ADAM12: variants seen among roughly 807,000 people sequenced by gnomAD.
The protein encoded by ADAM12 is ADAM metallopeptidase domain 12, also known as disintegrin and metalloproteinase domain-containing protein 12.
In ADAM12, 70 loss-of-function variants were observed where a neutral mutation model predicts 106.4. The observed-to-expected ratio is 0.66, with a 90% CI of 0.54 to 0.80. The LOEUF is 0.80. ADAM12 is among the 30% of genes least tolerant of loss of function. The pLI is 0.00. For missense variants in ADAM12, 1,010 were observed against 1,171.9 expected (o/e 0.86, Z 2.02); for synonymous variants, 420 against 433.5 (o/e 0.97, Z 0.39).
At chr10:126,210,711 G>T (rs907197520) in intron 3 of ADAM12, among the ~76,000 whole-genome samples, 1 of 152,168 alleles carries the variant, frequency 6.6e-6, no homozygotes, top group Admixed American at 6.5e-5. Context: ...CTAGGGAAAG[G>T]TTCCTTCCAC....
At chr10:126,102,743 A>C (rs1036317172) in intron 8 of ADAM12, among the ~76,000 whole-genome samples, 1 of 152,224 alleles carries the variant, frequency 6.6e-6, no homozygotes, top group Admixed American at 6.5e-5. Context: ...ACAGCCCAAC[A>C]GTTTGTTTTC....
At chr10:126,192,505 T>C (rs2133805578) in intron 3 of ADAM12, among the ~76,000 whole-genome samples, 1 of 152,344 alleles carries the variant, frequency 6.6e-6, no homozygotes, top group South Asian at 2.1e-4. Flanking sequence ...TTACTCCTTG[T>C]GTCAGCCAAT....
intron 6 of ADAM12, among the ~76,000 whole-genome samples, chr10:126,113,226 G>T (rs775548087): frequency 2.6e-5 from 4 of 152,160 alleles, no homozygotes; most frequent in African/African-American, 9.7e-5. Context: ...GCAACAGGCC[G>T]TATGGCTGGA....
chr10:126,098,896 A>C (rs772816094), intron 9 of ADAM12, among the ~76,000 whole-genome samples: 44 of 152,262 alleles, frequency 2.9e-4, no homozygotes, highest in Non-Finnish European at 1.8e-4. Context: ...GATTTTCACC[A>C]TAGCTTAACT....
At chr10:126,217,490 C>T (rs1338742423) in intron 3 of ADAM12, among the ~76,000 whole-genome samples, 2 of 151,480 alleles carry the variant, frequency 1.3e-5, no homozygotes, top group East Asian at 3.9e-4. Context: ...GCCTCAGCCT[C>T]CTTAGTAGCT....
chr10:126,237,353 A>G (rs563334239), intron 3 of ADAM12, among the ~76,000 whole-genome samples: 224 of 152,172 alleles, frequency 1.5e-3, no homozygotes, highest in African/African-American at 5.1e-3. Flanking sequence ...ATTCTATTCT[A>G]TTATTCTCAG....
At position 126,267,208 on chromosome 10, in the gene ADAM12, C is replaced by T. The variant is rs1302911289; in HGVS notation, c.260+11707G>A. Reference sequence around the variant, plus strand: ...TTTTGCTGTTGAATCACAGTTACACCCTTATTCATTAGCTCAGAAGAGTCA... The same window carrying T: ...TTTTGCTGTTGAATCACAGTTACACTCTTATTCATTAGCTCAGAAGAGTCA... On this transcript the variant is annotated intron_variant, in intron 3 of 22. Transcript: ENST00000448723. 2.6e-5 allele frequency among the ~76,000 whole-genome samples: 4 copies of T among 152,080 alleles called. 1 individual carries two copies. In the South Asian group the frequency reaches 6.2e-4, roughly 24 times the overall value.
At chr10:126,171,996 G>T (rs1321208773) in intron 3 of ADAM12, among the ~76,000 whole-genome samples, 1 of 152,174 alleles carries the variant, frequency 6.6e-6, no homozygotes, top group African/African-American at 2.4e-5. Flanking sequence ...TAGCTAATAC[G>T]TTGAGGAGGA....
At chr10:126,081,611 C>T (rs541502363) in intron 11 of ADAM12, among the ~76,000 whole-genome samples, 3 of 152,278 alleles carry the variant, frequency 2.0e-5, no homozygotes, top group African/African-American at 4.8e-5. Context: ...AACTCAAGTC[C>T]GAAGCCTATG....
rs1554986867 is a variant in ADAM12, at chr10:126,206,855, G to GCGGT, written c.261-51551_261-51550insACCG. ...AGCTCCCTGAATTCCCATGTGTTGT[G>GCGGT]GGGGCGGGGGGGAGCCAGTGGGAGG... On this transcript the variant is annotated intron_variant, in intron 3 of 22. Transcript: ENST00000448723. Among the ~76,000 whole-genome samples the GCGGT allele has an allele frequency of 1.7e-4, 5 of 28,956 alleles. 1 individual carries two copies. Among genetic ancestry groups the GCGGT allele is most frequent in the Non-Finnish European group, 6.3e-4 (5 of 7,964 alleles). 19.0% of individuals were successfully genotyped at this position (28,956 alleles called of 152,430 possible).
At chr10:126,304,760 C>G (rs550086536) in intron 2 of ADAM12, among the ~76,000 whole-genome samples, 2 of 151,210 alleles carry the variant, frequency 1.3e-5, no homozygotes, top group Non-Finnish European at 2.9e-5. Flanking sequence ...CCTTAACGCA[C>G]GTAAAAATGG....
At position 126,064,354 on chromosome 10, in the gene ADAM12, C is replaced by G. The variant is rs555939071; in HGVS notation, c.1609+452G>C. Among the ~76,000 whole-genome samples, 8 of 152,304 alleles carry G rather than the reference C, an allele frequency of 5.3e-5. No individual in the cohort carries two copies. In the South Asian group the frequency reaches 1.7e-3, roughly 32 times the overall value. ...CTCTTATGAGTACAAAGGGGCATTA[C>G]TAAAATCTCAGTGGTGGTGGGAAAG... On this transcript the variant is annotated intron_variant, in intron 14 of 22. Transcript: ENST00000448723. The surrounding 1 kb of genome is among the most constrained non-coding windows in gnomAD (Gnocchi z 4.4).
chr10:126,348,635 G>A (rs1855237181), intron 1 of ADAM12, among the ~76,000 whole-genome samples: 1 of 152,148 alleles, frequency 6.6e-6, no homozygotes, highest in Non-Finnish European at 1.5e-5. Context: ...TTTTTATTCT[G>A]CAGGATGACT....
intron 18 of ADAM12, chr10:126,041,890 G>C (rs1350634910): frequency 6.4e-6 from 9 of 1,396,950 alleles, no homozygotes; most frequent in Non-Finnish European, 6.5e-6. Flanking sequence ...GAGCAGCACT[G>C]AAGCATGTCC....
At chr10:126,340,637 C>A (rs1194498291) in intron 1 of ADAM12, among the ~76,000 whole-genome samples, 2 of 151,996 alleles carry the variant, frequency 1.3e-5, no homozygotes, top group Non-Finnish European at 2.9e-5. Flanking sequence ...CCTGATAGCA[C>A]CATCTTCCTC....
At chr10:126,360,633 C>T (rs1157623556) in intron 1 of ADAM12, among the ~76,000 whole-genome samples, 1 of 152,212 alleles carries the variant, frequency 6.6e-6, no homozygotes, top group African/African-American at 2.4e-5. Context: ...TTGTCCATAT[C>T]ACTATCAGCA....
At chr10:126,365,620 A>G (rs542442020) in intron 1 of ADAM12, among the ~76,000 whole-genome samples, 1 of 152,306 alleles carries the variant, frequency 6.6e-6, no homozygotes, top group South Asian at 2.1e-4. Context: ...AGGAAGGAGA[A>G]GTGTGGAGCA....
intron 1 of ADAM12, among the ~76,000 whole-genome samples, chr10:126,370,970 A>G (rs907527692): frequency 1.3e-5 from 2 of 152,218 alleles, no homozygotes; most frequent in African/African-American, 4.8e-5. Context: ...ATTAGTCGAG[A>G]GTCTGCTGAA....
At chr10:126,149,579 G>A (rs901445836) in intron 4 of ADAM12, among the ~76,000 whole-genome samples, 4 of 152,194 alleles carry the variant, frequency 2.6e-5, no homozygotes, top group Non-Finnish European at 5.9e-5. Context: ...CTCAATCTGG[G>A]TGGGCACCAT....
Sources: gnomAD v4.1 joint callset for allele counts (sites outside exome capture counted in the v4.1 genomes callset) on GRCh38, gnomAD v4.1.1 for gene constraint, Gnocchi (gnomAD v3.1) non-coding constraint, MANE v1.5 for transcripts, NCBI Gene and HGNC (gene_info 2026-07-23, HGNC 2026-07-21) for gene names.